The following EYS variants were observed in gnomAD, a reference collection of about 807,000 sequenced individuals.
The protein encoded by EYS is protein eyes shut homolog.
In EYS, 250 loss-of-function variants were observed where a neutral mutation model predicts 282.1. The observed-to-expected ratio is 0.89, with a 90% CI of 0.80 to 0.98. The LOEUF (loss-of-function observed/expected upper bound fraction) is 0.98, where lower values mean the gene tolerates loss of function less well. EYS is among the 50% of genes least tolerant of loss of function. The probability of loss-of-function intolerance (pLI) is 0.00; values close to 1 mark genes in which losing one functional copy is unlikely to be tolerated. For synonymous variants in EYS, 1,355 were observed against 1,282.9 expected (o/e 1.06, Z -1.20); for missense variants, 4,016 against 3,709.0 (o/e 1.08, Z -2.15).
chr6:64,049,836 G>T (rs1241089150), intron 33 of EYS, among the ~76,000 whole-genome samples: 1 of 152,158 alleles, frequency 6.6e-6, no homozygotes, highest in Non-Finnish European at 1.5e-5. Flanking sequence ...AGATAGAAAT[G>T]AGGTTATAAA....
intron 31 of EYS, among the ~76,000 whole-genome samples, chr6:64,122,664 TAAAAAA>T (rs150099029): frequency 1.3e-5 from 2 of 152,048 alleles, no homozygotes; most frequent in Non-Finnish European, 2.9e-5. Context: ...ATTAATATGT[TAAAAAA>T]ATGAAATAAT....
intron 8 of EYS, among the ~76,000 whole-genome samples, chr6:65,363,851 T>C (rs1369001106): frequency 6.6e-6 from 1 of 151,794 alleles, no homozygotes; most frequent in Non-Finnish European, 1.5e-5. Flanking sequence ...TTTTTTAATA[T>C]CATTTTTGTA....
chr6:64,846,901 G>C lies in EYS; in HGVS notation c.2993-24079C>G, dbSNP rs187646019. Among the ~76,000 whole-genome samples, 851 of 152,080 alleles carry C rather than the reference G, an allele frequency of 5.6e-3. 6 individuals are homozygous for C. Among genetic ancestry groups the C allele is most frequent in the Middle Eastern group, 0.017 (5 of 294 alleles). On this transcript the variant is annotated intron_variant, in intron 19 of 42. Transcript: ENST00000503581. ...ATGTGTTCACTTGACTGGACCTCAG[G>C]GTGTTTAAATACCTGGTTAACAACT...
At chr6:63,749,354 G>A (rs193032819) in intron 41 of EYS, among the ~76,000 whole-genome samples, 2 of 152,258 alleles carry the variant, frequency 1.3e-5, no homozygotes, top group Non-Finnish European at 2.9e-5. Flanking sequence ...CAGAGTGGTT[G>A]TTATGATTTC....
intron 12 of EYS, among the ~76,000 whole-genome samples, chr6:65,164,307 A>T (rs1322646876): frequency 6.6e-6 from 1 of 151,276 alleles, no homozygotes; most frequent in Non-Finnish European, 1.5e-5. Flanking sequence ...AAGTTATTTA[A>T]ATGTGTTGTT....
intron 29 of EYS, among the ~76,000 whole-genome samples, chr6:64,338,697 C>A (rs187140530): frequency 2.5e-4 from 38 of 152,038 alleles, no homozygotes; most frequent in African/African-American, 9.1e-4. Flanking sequence ...GGAAAAATAA[C>A]AACTCTGGAA....
chr6:64,451,155 A>G (rs185013031), intron 26 of EYS, among the ~76,000 whole-genome samples: 1 of 152,214 alleles, frequency 6.6e-6, no homozygotes, highest in African/African-American at 2.4e-5. Context: ...AATAGATGCA[A>G]TAAAAAAATG....
At chr6:64,350,774 C>G (rs559923378) in intron 29 of EYS, among the ~76,000 whole-genome samples, 1 of 151,524 alleles carries the variant, frequency 6.6e-6, no homozygotes, top group African/African-American at 2.4e-5. Context: ...GGCTCTGTGT[C>G]CCCATGCAAG....
chr6:64,156,113 C>G (rs1211666240), intron 31 of EYS, among the ~76,000 whole-genome samples: 2 of 151,416 alleles, frequency 1.3e-5, no homozygotes, highest in Non-Finnish European at 2.9e-5. Context: ...TGTGTCCCCA[C>G]CCAAATATCA....
At chr6:63,901,535 G>C (rs1017568126) in intron 35 of EYS, among the ~76,000 whole-genome samples, 3 of 152,172 alleles carry the variant, frequency 2.0e-5, no homozygotes, top group Non-Finnish European at 2.9e-5. Context: ...ATGAACCCCA[G>C]TTAGAATAAA....
chr6:63,825,619 G>T (rs1264956324), intron 36 of EYS, among the ~76,000 whole-genome samples: 3 of 152,150 alleles, frequency 2.0e-5, no homozygotes, highest in Non-Finnish European at 4.4e-5. Flanking sequence ...TAGACTCGCT[G>T]GATGGTTAGA....
intron 2 of EYS, among the ~76,000 whole-genome samples, chr6:65,570,266 A>G (rs944992821): frequency 1.3e-5 from 2 of 152,186 alleles, no homozygotes; most frequent in South Asian, 2.1e-4. Flanking sequence ...GCAAAGAAAG[A>G]AGAGCCTAGA....
chr6:64,073,229 G>A (rs762039325), intron 32 of EYS, among the ~76,000 whole-genome samples: 9 of 151,928 alleles, frequency 5.9e-5, no homozygotes, highest in South Asian at 2.1e-4. Flanking sequence ...ACAACAATTC[G>A]TGGTTTTATA....
At chr6:64,963,677 A>G (rs1770000989) in intron 14 of EYS, among the ~76,000 whole-genome samples, 1 of 152,210 alleles carries the variant, frequency 6.6e-6, no homozygotes, top group Non-Finnish European at 1.5e-5. Flanking sequence ...ATTCGTAGTG[A>G]TAGAGACACA....
At chr6:64,453,249 T>A (rs1253779186) in intron 26 of EYS, among the ~76,000 whole-genome samples, 26 of 151,982 alleles carry the variant, frequency 1.7e-4, no homozygotes, top group Non-Finnish European at 2.8e-4. Flanking sequence ...AAAATACACA[T>A]GAAAAAATGC....
At chr6:64,931,699 C>G (rs1768728461) in intron 15 of EYS, among the ~76,000 whole-genome samples, 1 of 151,962 alleles carries the variant, frequency 6.6e-6, no homozygotes, top group African/African-American at 2.4e-5. Flanking sequence ...AAAAAGTTAA[C>G]TAAAACTTTG....
intron 12 of EYS, among the ~76,000 whole-genome samples, chr6:65,210,257 G>A (rs144283687): frequency 4.6e-5 from 7 of 152,054 alleles, no homozygotes; most frequent in African/African-American, 1.2e-4. Flanking sequence ...AGTTTCACAG[G>A]CATAATGTTT....
chr6:64,491,513 T>G (rs1297905945), intron 26 of EYS, among the ~76,000 whole-genome samples: 1 of 151,074 alleles, frequency 6.6e-6, no homozygotes, highest in Admixed American at 6.6e-5. Flanking sequence ...ATTTAAACTT[T>G]ATGCAAATAA....
intron 30 of EYS, among the ~76,000 whole-genome samples, chr6:64,301,943 G>A (rs1315758265): frequency 6.6e-6 from 1 of 152,112 alleles, no homozygotes; most frequent in East Asian, 1.9e-4. Context: ...TTTCCGCTCA[G>A]CCCATCAATA....
Sources: allele counts gnomAD v4.1 joint callset (sites outside exome capture counted in the v4.1 genomes callset), GRCh38; gene constraint gnomAD v4.1.1; transcripts MANE v1.5; gene names NCBI Gene and HGNC (gene_info 2026-07-23, HGNC 2026-07-21).